The following PLXNA4 variants were observed in gnomAD, a reference collection of about 807,000 sequenced individuals.
PLXNA4 encodes the protein plexin-A4.
PLXNA4 carries 44 observed loss-of-function variants against 191.8 expected under a neutral mutation model. The ratio of observed to expected loss-of-function variants is 0.23; its 90% confidence interval spans 0.18 to 0.29. The LOEUF is 0.29. Among genes scored for constraint, PLXNA4 ranks in the 10% least tolerant of loss-of-function variants. PLXNA4 has a pLI of 1.00. For synonymous variants in PLXNA4, 1,082 were observed against 1,009.5 expected (o/e 1.07, Z -1.36); for missense variants, 1,800 against 2,488.8 (o/e 0.72, Z 5.89).
At chr7:132,453,547 G>A (rs1432919268) in intron 3 of PLXNA4, among the ~76,000 whole-genome samples, 1 of 118,424 alleles carries the variant, frequency 8.4e-6, no homozygotes, top group East Asian at 2.0e-4. Context: ...CCACAGTGAG[G>A]GTTTTTTTTT....
chr7:132,359,319 C>T (rs1803839994), intron 3 of PLXNA4, among the ~76,000 whole-genome samples: 1 of 149,194 alleles, frequency 6.7e-6, no homozygotes, highest in African/African-American at 2.5e-5. Flanking sequence ...CCTTCAGAGT[C>T]AAGCAGTTCT....
intron 3 of PLXNA4, among the ~76,000 whole-genome samples, chr7:132,306,243 C>T (rs1801517820): frequency 6.6e-6 from 1 of 152,186 alleles, no homozygotes; most frequent in Non-Finnish European, 1.5e-5. Context: ...CAACAAAATG[C>T]AAACCAGTCA....
chr7:132,417,961 T>A lies in PLXNA4; in HGVS notation c.1371+71331A>T, dbSNP rs76359761. Among the ~76,000 whole-genome samples the A allele has an allele frequency of 3.3e-3, 499 of 152,218 alleles. 3 individuals carry two copies. Among genetic ancestry groups the A allele is most frequent in the African/African-American group, 0.011 (459 of 41,532 alleles). ...AGACTCTCTTCTTAGGTCACTTTGG[T>A]TTATTTGGACAAAACGCTTCTAATT... On this transcript the variant is annotated intron_variant, in intron 3 of 31. Coordinates refer to ENST00000321063, the MANE Select transcript of PLXNA4 (RefSeq NM_020911.2).
intron 22 of PLXNA4, 128 bp downstream of exon 22, chr7:132,168,176 G>T: frequency 1.5e-6 from 2 of 1,331,654 alleles, no homozygotes; most frequent in Non-Finnish European, 1.9e-6. Flanking sequence ...CTGGCTCTGG[G>T]CTAGTTAGTG....
chr7:132,646,764 C>T (rs1199624433), intron 1 of PLXNA4, among the ~76,000 whole-genome samples: 1 of 152,106 alleles, frequency 6.6e-6, no homozygotes, highest in Non-Finnish European at 1.5e-5. Flanking sequence ...TTGTTGAATG[C>T]ATGAAACTAG....
At chr7:132,609,554 A>T (rs779093692) in intron 2 of PLXNA4, among the ~76,000 whole-genome samples, 1 of 152,196 alleles carries the variant, frequency 6.6e-6, no homozygotes, top group Admixed American at 6.5e-5. Flanking sequence ...GTTGGTGGCC[A>T]TTACCAATGA....
At chr7:132,647,988 AACAC>A (rs984344682) in intron 1 of PLXNA4, among the ~76,000 whole-genome samples, 8 of 151,768 alleles carry the variant, frequency 5.3e-5, no homozygotes, top group Non-Finnish European at 8.8e-5. Flanking sequence ...AACACTCATG[AACAC>A]ACAGTCATAT....
At chr7:132,364,009 C>G (rs1804054083) in intron 3 of PLXNA4, among the ~76,000 whole-genome samples, 1 of 152,236 alleles carries the variant, frequency 6.6e-6, no homozygotes, top group African/African-American at 2.4e-5. Context: ...TGAATCCATC[C>G]CCTTTGCCAC....
chr7:132,151,424 G>GAGAA lies in PLXNA4; in HGVS notation c.4661-2779_4661-2778insTTCT, dbSNP rs1456344281. Among the ~76,000 whole-genome samples the GAGAA allele has an allele frequency of 1.8e-4, 18 of 102,588 alleles. 4 individuals carry two copies. Among genetic ancestry groups the GAGAA allele is most frequent in the Admixed American group, 1.9e-4 (2 of 10,466 alleles). 67.3% of individuals were successfully genotyped at this position (102,588 alleles called of 152,430 possible). On this transcript the variant is annotated intron_variant, in intron 25 of 31. Transcript: ENST00000321063. ...GAGGAGGAGGAAGGAGGAGGAGGAG[G>GAGAA]AGGAGGAAGGAGGAGGAGGAGGAAG...
At chr7:132,138,241 C>A (rs1795169869) in intron 30 of PLXNA4, among the ~76,000 whole-genome samples, 1 of 152,146 alleles carries the variant, frequency 6.6e-6, no homozygotes, top group South Asian at 2.1e-4. Flanking sequence ...CAGCAGTGAG[C>A]CTCTAAGTAA....
At position 132,133,274 on chromosome 7, in the gene PLXNA4, C is replaced by T. The variant is rs367615177; in HGVS notation, c.5439-75G>A. On this transcript the variant is annotated intron_variant, in intron 30 of 31. Coordinates refer to ENST00000321063, the MANE Select transcript of PLXNA4 (RefSeq NM_020911.2). ...GAGGAGAGATGGATGCTCCCAGCAC[C>T]GTGTCTGGGGCCATGAGCTCAGCTT... The T allele has an allele frequency of 1.1e-4, 170 of 1,562,202 alleles. No homozygotes were observed. In the African/African-American group the frequency reaches 1.9e-3, roughly 17 times the overall value.
At chr7:132,133,886 C>A (rs1422818547) in intron 30 of PLXNA4, among the ~76,000 whole-genome samples, 1 of 152,140 alleles carries the variant, frequency 6.6e-6, no homozygotes, top group Non-Finnish European at 1.5e-5. Flanking sequence ...CACTTCTCAC[C>A]CTCTCCTATG....
At chr7:132,267,900 G>A in intron 4 of PLXNA4, among the ~76,000 whole-genome samples, 1 of 152,168 alleles carries the variant, frequency 6.6e-6, no homozygotes, top group South Asian at 2.1e-4. Flanking sequence ...GCCATCAAGA[G>A]TTAACTCCAT....
chr7:132,203,224 CG>C (rs1188144700), intron 11 of PLXNA4, 98 bp downstream of exon 11: 6 of 1,077,650 alleles, frequency 5.6e-6, no homozygotes, highest in Non-Finnish European at 8.3e-6. Flanking sequence ...CACTAGGAGG[CG>C]GGGGCAGAAT....
intron 1 of PLXNA4, among the ~76,000 whole-genome samples, chr7:132,569,143 T>C (rs1801862693): frequency 6.6e-6 from 1 of 152,250 alleles, no homozygotes; most frequent in Non-Finnish European, 1.5e-5. Flanking sequence ...GATTAACTGC[T>C]GGCTGTGCCT....
chr7:132,331,673 T>A (rs1043980341), intron 3 of PLXNA4, among the ~76,000 whole-genome samples: 2 of 152,226 alleles, frequency 1.3e-5, no homozygotes, highest in Non-Finnish European at 2.9e-5. Flanking sequence ...ATAATTATAA[T>A]GGTGGCTATT....
At chr7:132,305,892 GTC>G (rs1236798814) in intron 3 of PLXNA4, among the ~76,000 whole-genome samples, 1 of 151,850 alleles carries the variant, frequency 6.6e-6, no homozygotes, top group African/African-American at 2.4e-5. Flanking sequence ...CCTAATGGAG[GTC>G]TACACCTTCG....
intron 3 of PLXNA4, among the ~76,000 whole-genome samples, chr7:132,462,986 A>C (rs1796571908): frequency 6.6e-6 from 1 of 151,724 alleles, no homozygotes; most frequent in Admixed American, 6.6e-5. Flanking sequence ...AGTAGCTGAG[A>C]TTACAGGCAC....
chr7:132,301,229 A>G (rs1270479004), intron 3 of PLXNA4, among the ~76,000 whole-genome samples: 1 of 152,230 alleles, frequency 6.6e-6, no homozygotes, highest in East Asian at 1.9e-4. Context: ...GAAAAAATTC[A>G]CACAAGACAT....
Sources: gnomAD v4.1 joint callset for allele counts (sites outside exome capture counted in the v4.1 genomes callset) on GRCh38, gnomAD v4.1.1 for gene constraint, MANE v1.5 for transcripts, NCBI Gene and HGNC (gene_info 2026-07-23, HGNC 2026-07-21) for gene names.